Variants in F11 observed in about 807,000 individuals in gnomAD.
F11 encodes the protein coagualtion factor XI.
F11 carries 78 observed loss-of-function variants against 76.5 expected under a neutral mutation model. That is an observed-to-expected ratio of 1.02 (90% confidence interval 0.85 to 1.23). The LOEUF (loss-of-function observed/expected upper bound fraction) is 1.23, where lower values mean the gene tolerates loss of function less well. Among genes scored for constraint, F11 ranks in the 50% most tolerant of loss-of-function variants. The pLI, the probability that F11 is intolerant of heterozygous loss-of-function variation, is 0.00. For missense variants in F11, 742 were observed against 771.4 expected (o/e 0.96, Z 0.45); for synonymous variants, 278 against 276.3 (o/e 1.01, Z -0.06).
intron 2 of F11, among the ~76,000 whole-genome samples, chr4:186,270,716 CT>C (rs1209488859): frequency 6.6e-6 from 1 of 151,944 alleles, no homozygotes; most frequent in Non-Finnish European, 1.5e-5. Flanking sequence ...GAGAGAGAAA[CT>C]GGGTCTTGCT....
intron 10 of F11, 62 bp downstream of exon 10, chr4:186,280,642 C>A (rs1740730856): frequency 7.5e-7 from 1 of 1,325,800 alleles, no homozygotes; most frequent in South Asian, 1.2e-5. Flanking sequence ...TCATACATCA[C>A]AATCAAGACT....
chr4:186,280,131 G>A lies in F11; in HGVS notation c.865+10G>A. 2 of 1,614,062 alleles carry A rather than the reference G, an allele frequency of 1.2e-6. No individual in the cohort carries two copies. The highest frequency in any genetic ancestry group is 1.7e-6 in the Non-Finnish European group (2 of 1,179,916). On this transcript the variant is annotated intron_variant, in intron 8 of 14. Transcript: ENST00000403665. ...AGGCACAGCATCCCAGGTAAACTGAGAGTTCTGCATTCTGGCTGAGAGTGA... is the reference window on the plus strand; with the variant it reads ...AGGCACAGCATCCCAGGTAAACTGAAAGTTCTGCATTCTGGCTGAGAGTGA...
rs1740318335 is a variant in F11, at chr4:186,275,806, C to T, written c.505C>T (p.His169Tyr). The change falls in exon 6 of 15, where the codon CAC becomes TAC. Residue 169 changes from histidine (H) to tyrosine (Y), a missense_variant. Physicochemically the swap from His to Tyr is moderately conservative, Grantham distance 83. Coordinates refer to ENST00000403665, the MANE Select transcript of F11 (RefSeq NM_000128.4). ...LEHRNICLLK[H>Y]TQTGTPTRIT... ...ATTCAGTAACATTTGTCTACTGAAGCACACCCAAACAGGGACACCAACCAG... is the reference window on the plus strand; with the variant it reads ...ATTCAGTAACATTTGTCTACTGAAGTACACCCAAACAGGGACACCAACCAG... 6.2e-7 allele frequency: 1 copy of T among 1,612,888 alleles called. No homozygotes were observed. The highest frequency in any genetic ancestry group is 1.3e-5 in the African/African-American group (1 of 74,882).
chr4:186,287,915 T>A, intron 14 of F11, 92 bp downstream of exon 14: 2 of 1,490,368 alleles, frequency 1.3e-6, no homozygotes, highest in Non-Finnish European at 9.2e-7. Context: ...TTTTGTTTGT[T>A]TTTTTTTGAG....
chr4:186,271,653 G>C lies in F11; in HGVS notation c.100G>C (p.Asp34His), dbSNP rs281875267. ...GAAGGACACCTGCTTTGAAGGAGGG[G>C]ACATTACTACGGTCTTCACACCAAG... ...LLKDTCFEGG[D>H]ITTVFTPSAK... The change falls in exon 3 of 15, where the codon GAC becomes CAC. Residue 34 changes from aspartate to histidine, a missense_variant. Asp to His is a moderately conservative substitution (Grantham distance 81). Coordinates refer to ENST00000403665, the MANE Select transcript of F11 (RefSeq NM_000128.4). 3.3e-5 allele frequency: 53 copies of C among 1,614,156 alleles called. No individual in the cohort carries two copies. The highest frequency in any genetic ancestry group is 1.6e-4 in the Middle Eastern group (1 of 6,062).
chr4:186,276,394 A>G lies in F11; in HGVS notation c.755+4A>G. ...AATGGCCCAAAGAATCTCAAAGGTA[A>G]GGAGTTAACAAGTAAGGATAATTTG... On this transcript the variant is annotated splice_donor_region_variant and intron_variant, in intron 7 of 14. Coordinates refer to ENST00000403665, the MANE Select transcript of F11 (RefSeq NM_000128.4). 1 of 1,613,978 alleles carries G rather than the reference A, an allele frequency of 6.2e-7. No homozygotes were observed. The highest frequency in any genetic ancestry group is 2.2e-5 in the East Asian group (1 of 44,874).
At chr4:186,276,205 C>T in intron 6 of F11, 26 bp from the exon 7 acceptor site, 1 of 1,613,872 alleles carries the variant, frequency 6.2e-7, no homozygotes, top group Non-Finnish European at 8.5e-7. Context: ...GAATTGAGTC[C>T]CTGACATAGT....
At chr4:186,272,971 T>G (rs753959386) in intron 3 of F11, 100 bp from the exon 4 acceptor site, 32 of 768,904 alleles carry the variant, frequency 4.2e-5, no homozygotes, top group Non-Finnish European at 6.7e-5. Context: ...ATAAAGTAGT[T>G]TGTTTCCTTC....
intron 13 of F11, 76 bp from the exon 14 acceptor site, chr4:186,287,608 A>G: frequency 4.3e-6 from 3 of 695,620 alleles, no homozygotes; most frequent in South Asian, 3.5e-5. Flanking sequence ...ATATATATAT[A>G]TTTATATGTA....
At chr4:186,286,629 G>A (rs1029279921) in intron 13 of F11, 119 bp downstream of exon 13, 46 of 1,531,452 alleles carry the variant, frequency 3.0e-5, no homozygotes, top group Admixed American at 7.9e-5. Flanking sequence ...TGCAGGAAGC[G>A]GATTAATAAA....
At chr4:186,286,980 T>C (rs1741251185) in intron 13 of F11, among the ~76,000 whole-genome samples, 1 of 152,030 alleles carries the variant, frequency 6.6e-6, no homozygotes, top group Admixed American at 6.5e-5. Flanking sequence ...AGTTTTGTGT[T>C]GTTGTTGTTT....
At chr4:186,269,569 A>C (rs1739771981) in intron 2 of F11, among the ~76,000 whole-genome samples, 1 of 152,236 alleles carries the variant, frequency 6.6e-6, no homozygotes, top group Admixed American at 6.5e-5. Context: ...GACGGAAATT[A>C]GAACAGAGGT....
In F11 at chr4:186,288,694, T is replaced by A; in HGVS notation, c.*80T>A. On this transcript the variant is annotated 3_prime_UTR_variant, in exon 15 of 15. Coordinates refer to ENST00000403665, the MANE Select transcript of F11 (RefSeq NM_000128.4). Reference sequence around the variant, plus strand: ...GGGTGTTGAGTTCACTGTGCCAGCATGCTTCCTCCACAGTAACACGCTGAA... The same window carrying A: ...GGGTGTTGAGTTCACTGTGCCAGCAAGCTTCCTCCACAGTAACACGCTGAA... 1 of 1,468,204 alleles carries A rather than the reference T, an allele frequency of 6.8e-7. No homozygotes were observed. Among genetic ancestry groups the A allele is most frequent in the Non-Finnish European group, 9.4e-7 (1 of 1,067,816 alleles). The allele number at this position is 1,468,204 out of a possible 1,614,324, so 90.9% of individuals were successfully genotyped here. A position where few individuals can be genotyped will look rare whatever the true frequency, so the allele number is the denominator to read the frequency against.
At chr4:186,273,228 C>T (rs759034447) in intron 4 of F11, 51 bp downstream of exon 4, 12 of 1,353,678 alleles carry the variant, frequency 8.9e-6, no homozygotes, top group African/African-American at 2.9e-5. Context: ...GTACACATAT[C>T]GCCACATCGG....
rs777115417 is a variant in F11, at chr4:186,287,759, G to C, written c.1652G>C (p.Gly551Ala). The change falls in exon 14 of 15, where the codon GGA becomes GCA. Residue 551 changes from glycine (G) to alanine (A), a missense_variant. Gly to Ala is a moderately conservative substitution (Grantham distance 60). Coordinates refer to ENST00000403665, the MANE Select transcript of F11 (RefSeq NM_000128.4). ...TNEECQKRYR[G>A]HKITHKMICA... Reference sequence around the variant, plus strand: ...GAAGAGTGCCAGAAGAGATACAGAGGACATAAAATAACCCATAAGATGATC... The same window carrying C: ...GAAGAGTGCCAGAAGAGATACAGAGCACATAAAATAACCCATAAGATGATC... The C allele has an allele frequency of 6.2e-7, 1 of 1,613,686 alleles. No individual in the cohort carries two copies. The highest frequency in any genetic ancestry group is 1.1e-5 in the South Asian group (1 of 91,052).
In F11 at chr4:186,288,684, T is replaced by C; in HGVS notation, c.*70T>C. 1.3e-6 allele frequency: 2 copies of C among 1,510,886 alleles called. No individual in the cohort carries two copies. The highest frequency in any genetic ancestry group is 1.2e-5 in the South Asian group (1 of 84,564). The allele number at this position is 1,510,886 out of a possible 1,614,324, so 93.6% of individuals were successfully genotyped here. A position where few individuals can be genotyped will look rare whatever the true frequency, so the allele number is the denominator to read the frequency against. On this transcript the variant is annotated 3_prime_UTR_variant, in exon 15 of 15. Transcript: ENST00000403665. ...TGCTGGGAGAGGGTGTTGAGTTCACTGTGCCAGCATGCTTCCTCCACAGTA... is the reference window on the plus strand; with the variant it reads ...TGCTGGGAGAGGGTGTTGAGTTCACCGTGCCAGCATGCTTCCTCCACAGTA...
rs781046550 is a variant in F11, at chr4:186,280,361, C to T, written c.1004C>T (p.Ala335Val). ...VRCQFFTYTP[A>V]QASCNEGKGK... ...TGCCAGTTTTTTACCTATACCCCAG[C>T]CCAAGCATCCTGCAACGAAGGGAAG... Residue 335 changes from alanine (A) to valine (V), a missense_variant, in exon 9 of 15, where the codon GCC (alanine) becomes GTC (valine). By Grantham distance (64) the Ala-to-Val change is moderately conservative. Coordinates refer to ENST00000403665, the MANE Select transcript of F11 (RefSeq NM_000128.4). The T allele has an allele frequency of 1.9e-6, 3 of 1,614,192 alleles. No individual in the cohort carries two copies. The South Asian group carries it at 3.3e-5, about 18-fold the overall frequency.
chr4:186,272,505 G>A (rs1426245660), intron 3 of F11, among the ~76,000 whole-genome samples: 1 of 152,146 alleles, frequency 6.6e-6, no homozygotes, highest in Non-Finnish European at 1.5e-5. Flanking sequence ...TTCCCATCCT[G>A]AGCTTGAAAA....
chr4:186,282,581 C>G (rs781320835), intron 10 of F11: 14 of 985,280 alleles, frequency 1.4e-5, no homozygotes, highest in Non-Finnish European at 1.7e-5. Flanking sequence ...AACTGAGAAA[C>G]AGCATAGGAT....
Sources: allele counts gnomAD v4.1 joint callset (sites outside exome capture counted in the v4.1 genomes callset), GRCh38; gene constraint gnomAD v4.1.1; transcripts MANE v1.5; gene names NCBI Gene and HGNC (gene_info 2026-07-23, HGNC 2026-07-21).